PALLD: variants seen among roughly 807,000 people sequenced by gnomAD.
PALLD encodes the protein palladin, cytoskeletal associated protein, also known as palladin.
In PALLD, 61 loss-of-function variants were observed where a neutral mutation model predicts 123.5. The observed-to-expected ratio is 0.49, with a 90% CI of 0.40 to 0.61. The LOEUF (loss-of-function observed/expected upper bound fraction) is 0.61. Among genes scored for constraint, PALLD ranks in the 20% least tolerant of loss-of-function variants. PALLD has a pLI of 0.00. For synonymous variants in PALLD, 465 were observed against 496.4 expected (o/e 0.94, Z 0.84); for missense variants, 1,273 against 1,377.0 (o/e 0.92, Z 1.20).
chr4:168,738,598 G>GTTTT (rs56034219), intron 10 of PALLD, among the ~76,000 whole-genome samples: 1 of 89,474 alleles, frequency 1.1e-5, no homozygotes, highest in African/African-American at 4.6e-5. Flanking sequence ...GCCCGGCTAA[G>GTTTT]TTTTGTATTT....
intron 2 of PALLD, among the ~76,000 whole-genome samples, chr4:168,627,902 G>A (rs368992249): frequency 1.3e-5 from 2 of 152,268 alleles, no homozygotes; most frequent in South Asian, 2.1e-4. Flanking sequence ...AGAGAAATGC[G>A]AGTCAAAACT....
intron 10 of PALLD, among the ~76,000 whole-genome samples, chr4:168,744,759 CTGTT>C (rs1788691102): frequency 6.6e-6 from 1 of 152,162 alleles, no homozygotes; most frequent in Non-Finnish European, 1.5e-5. Context: ...TATAACCATT[CTGTT>C]TGTCATGTTC....
chr4:168,639,278 A>T (rs1257335615), intron 2 of PALLD, among the ~76,000 whole-genome samples: 1 of 152,186 alleles, frequency 6.6e-6, no homozygotes, highest in Non-Finnish European at 1.5e-5. Context: ...AGACAAGTTA[A>T]TTTACTGCCC....
At chr4:168,564,338 T>G (rs1768158763) in intron 2 of PALLD, among the ~76,000 whole-genome samples, 1 of 152,160 alleles carries the variant, frequency 6.6e-6, no homozygotes, top group South Asian at 2.1e-4. Context: ...CAACCTACCA[T>G]GACGTTAGCA....
In PALLD at chr4:168,860,286, G is replaced by A. The variant is rs555094130; in HGVS notation, c.1965-30636G>A. On this transcript the variant is annotated intron_variant, in intron 10 of 21. Transcript: ENST00000505667. Reference sequence around the variant, plus strand: ...GGTGGAGAAGGATCTGTTGACACCAGACCCTCAACCACAGCCATGCACAGC... The same window carrying A: ...GGTGGAGAAGGATCTGTTGACACCAAACCCTCAACCACAGCCATGCACAGC... 2.6e-5 allele frequency among the ~76,000 whole-genome samples: 4 copies of A among 152,312 alleles called. No homozygotes were observed. In the South Asian group the frequency reaches 8.3e-4, roughly 32 times the overall value.
intron 2 of PALLD, 113 bp from the exon 3 acceptor site, chr4:168,668,077 A>G (rs1194359702): frequency 1.1e-5 from 9 of 834,786 alleles, no homozygotes; most frequent in Middle Eastern, 2.2e-4. Context: ...TTTTTTTTTA[A>G]TCAAACAAAC....
At chr4:168,711,961 C>T in intron 10 of PALLD, 38 bp downstream of exon 10, 1 of 1,545,872 alleles carries the variant, frequency 6.5e-7, no homozygotes. Flanking sequence ...AATTTCCATA[C>T]CCCTGTTACA....
intron 2 of PALLD, among the ~76,000 whole-genome samples, chr4:168,558,473 C>A (rs188854433): frequency 6.6e-6 from 1 of 151,964 alleles, no homozygotes; most frequent in Non-Finnish European, 1.5e-5. Context: ...GAGATAACAC[C>A]CCTCCCTCAG....
intron 10 of PALLD, among the ~76,000 whole-genome samples, chr4:168,729,356 G>A (rs1786922713): frequency 6.6e-6 from 1 of 151,894 alleles, no homozygotes; most frequent in Non-Finnish European, 1.5e-5. Context: ...TAGAGACGGG[G>A]TCTTGCTATG....
intron 10 of PALLD, among the ~76,000 whole-genome samples, chr4:168,769,754 A>C (rs1734145896): frequency 6.6e-6 from 1 of 152,222 alleles, no homozygotes. Context: ...ATCTAGAGGA[A>C]CACTCATAAT....
Position 168,921,590 on chromosome 4 carries a change from C to A in PALLD, c.2907C>A (p.Arg969=). ...LSWQLDGKPV[R]PDSAHKMLVR... ...GGCAACTAGATGGAAAGCCCGTACG[C>A]CCTGACAGTGCTCACAAGATGCTGG... Residue 969 remains arginine, a synonymous_variant, in exon 18 of 22, where the codon CGC becomes CGA. Transcript: ENST00000505667. The A allele has an allele frequency of 6.2e-7, 1 of 1,609,856 alleles. No homozygotes were observed. The highest frequency in any genetic ancestry group is 1.1e-5 in the South Asian group (1 of 90,638).
intron 10 of PALLD, among the ~76,000 whole-genome samples, chr4:168,857,613 C>T (rs772218180): frequency 6.6e-6 from 1 of 152,144 alleles, no homozygotes; most frequent in Non-Finnish European, 1.5e-5. Flanking sequence ...GATCAGCTAG[C>T]GTGTTAATAT....
intron 10 of PALLD, among the ~76,000 whole-genome samples, chr4:168,769,022 T>C (rs1224668654): frequency 6.6e-6 from 1 of 152,228 alleles, no homozygotes. Flanking sequence ...AGAGACGGGA[T>C]TTCACCATTT....
chr4:168,730,504 G>C (rs564100523), intron 10 of PALLD, among the ~76,000 whole-genome samples: 74 of 151,990 alleles, frequency 4.9e-4, no homozygotes, highest in African/African-American at 1.7e-3. Context: ...GTTTTTCTGT[G>C]TGTGCATTTG....
At chr4:168,559,367 A>T (rs1400176644) in intron 2 of PALLD, among the ~76,000 whole-genome samples, 1 of 151,702 alleles carries the variant, frequency 6.6e-6, no homozygotes, top group East Asian at 2.0e-4. Flanking sequence ...AGAGCATGAG[A>T]TATTGACCCA....
chr4:168,523,418 C>T (rs2149460907), intron 2 of PALLD, among the ~76,000 whole-genome samples: 1 of 152,120 alleles, frequency 6.6e-6, no homozygotes, highest in African/African-American at 2.4e-5. Flanking sequence ...AGAGAATATT[C>T]TAATTGTGTT....
At chr4:168,704,385 A>G (rs933009603) in intron 8 of PALLD, among the ~76,000 whole-genome samples, 2 of 152,184 alleles carry the variant, frequency 1.3e-5, no homozygotes, top group African/African-American at 4.8e-5. Context: ...AAAAATTTGT[A>G]TGTTGACTGG....
At chr4:168,910,943 G>A (rs1040879544) in intron 15 of PALLD, among the ~76,000 whole-genome samples, 31 of 152,124 alleles carry the variant, frequency 2.0e-4, no homozygotes, top group African/African-American at 7.5e-4. Context: ...GCTGGGGTCC[G>A]CCAAGCTGCT....
chr4:168,913,010 C>A (rs1314477968), intron 15 of PALLD, among the ~76,000 whole-genome samples: 3 of 152,086 alleles, frequency 2.0e-5, no homozygotes, highest in Non-Finnish European at 4.4e-5. Context: ...CAAATATGTT[C>A]ATTTCATGAG....
Sources: allele counts gnomAD v4.1 joint callset (sites outside exome capture counted in the v4.1 genomes callset), GRCh38; gene constraint gnomAD v4.1.1; transcripts MANE v1.5; gene names NCBI Gene and HGNC (gene_info 2026-07-23, HGNC 2026-07-21).